SNCAIP: variants seen among roughly 807,000 people sequenced by gnomAD.
SNCAIP encodes the protein synuclein alpha interacting protein, also known as synphilin-1.
SNCAIP carries 43 observed loss-of-function variants against 86.7 expected under a neutral mutation model. That is an observed-to-expected ratio of 0.50 (90% CI 0.39 to 0.64). The LOEUF (loss-of-function observed/expected upper bound fraction) is 0.64. Ranked by LOEUF, SNCAIP falls within the 30% of genes least tolerant of loss-of-function variation. The pLI is 0.00. For missense variants in SNCAIP, 981 were observed against 1,103.1 expected (o/e 0.89, Z 1.57); for synonymous variants, 417 against 427.2 (o/e 0.98, Z 0.29).
At chr5:122,339,621 G>A (rs766172121) in intron 1 of SNCAIP, among the ~76,000 whole-genome samples, 1 of 152,134 alleles carries the variant, frequency 6.6e-6, no homozygotes, top group Non-Finnish European at 1.5e-5. Context: ...GGAGATTTCC[G>A]GTCTTGATTC....
chr5:122,337,719 T>C (rs1756776638), intron 1 of SNCAIP, among the ~76,000 whole-genome samples: 1 of 152,186 alleles, frequency 6.6e-6, no homozygotes, highest in Admixed American at 6.5e-5. Context: ...TTTGCATTTT[T>C]AGTAGAGGCA....
intron 1 of SNCAIP, among the ~76,000 whole-genome samples, chr5:122,334,647 A>T (rs1209995854): frequency 6.6e-6 from 1 of 152,236 alleles, no homozygotes; most frequent in African/African-American, 2.4e-5. Flanking sequence ...AAAGCATTTT[A>T]ACAGCAAAGC....
chr5:122,432,146 A>T (rs903472878), intron 6 of SNCAIP, 64 bp downstream of exon 6: 1 of 764,120 alleles, frequency 1.3e-6, no homozygotes, highest in Admixed American at 1.9e-5. Context: ...CTTTTTTATT[A>T]TTAGTCCATC....
intron 1 of SNCAIP, among the ~76,000 whole-genome samples, chr5:122,325,793 T>C (rs1580786258): frequency 6.6e-6 from 1 of 152,320 alleles, no homozygotes; most frequent in Admixed American, 6.5e-5. Flanking sequence ...TCTTCAATTT[T>C]TTTTGAGTGA....
intron 3 of SNCAIP, among the ~76,000 whole-genome samples, chr5:122,410,867 T>C (rs1773978327): frequency 6.6e-6 from 1 of 152,166 alleles, no homozygotes; most frequent in Non-Finnish European, 1.5e-5. Flanking sequence ...GGGCTGAAGG[T>C]AGCAGAGCTT....
At chr5:122,381,016 T>C (rs1766633883) in intron 1 of SNCAIP, among the ~76,000 whole-genome samples, 2 of 149,054 alleles carry the variant, frequency 1.3e-5, no homozygotes, top group Non-Finnish European at 1.5e-5. Flanking sequence ...ATGTATATTC[T>C]GTTGATTTGG....
rs185507836 is a variant in SNCAIP, at chr5:122,418,320, C to T, written c.131-4548C>T. ...AACCTAGTAATTTAAGTATCATTTC[C>T]ACAACATGTGTTATATCCCAAGTCT... is the stretch of plus-strand genomic sequence containing the variant. On this transcript the variant is annotated intron_variant, in intron 3 of 10. Transcript: ENST00000261368. 1.4e-3 allele frequency among the ~76,000 whole-genome samples: 218 copies of T among 152,266 alleles called. 2 individuals are homozygous for T. Among genetic ancestry groups the T allele is most frequent in the African/African-American group, 5.1e-3 (210 of 41,560 alleles).
rs966851388 is a variant in SNCAIP at position 122,432,197 on chromosome 5, G to A, written c.1296+115G>A. On this transcript the variant is annotated intron_variant, in intron 6 of 10. Transcript: ENST00000261368. ...GAAATCATCAAAAATGTATCCAAAG[G>A]TATATAACCAATGATATTTGTTGTT... The A allele has an allele frequency of 2.1e-5, 14 of 673,458 alleles. 1 individual carries two copies. The highest frequency in any genetic ancestry group is 1.3e-4 in the African/African-American group (7 of 55,278). 41.7% of individuals were successfully genotyped at this position (673,458 alleles called of 1,614,324 possible). A position where few individuals can be genotyped will look rare whatever the true frequency, so the allele number is the denominator to read the frequency against.
chr5:122,398,949 T>C (rs1244883990), intron 2 of SNCAIP, among the ~76,000 whole-genome samples: 1 of 152,150 alleles, frequency 6.6e-6, no homozygotes, highest in East Asian at 1.9e-4. Flanking sequence ...CTGGGATGTA[T>C]AGAATCATCT....
intron 8 of SNCAIP, chr5:122,444,951 C>T (rs931772331): frequency 8.7e-6 from 5 of 575,246 alleles, no homozygotes; most frequent in Admixed American, 2.7e-5. Flanking sequence ...GTAAAGTGTA[C>T]AGCAAGCTCC....
intron 5 of SNCAIP, among the ~76,000 whole-genome samples, chr5:122,425,901 A>T (rs1021013755): frequency 6.6e-6 from 1 of 152,218 alleles, no homozygotes; most frequent in African/African-American, 2.4e-5. Flanking sequence ...TGTTTTAAGG[A>T]TGCTAGCACT....
At chr5:122,417,680 C>T (rs891826254) in intron 3 of SNCAIP, among the ~76,000 whole-genome samples, 6 of 151,706 alleles carry the variant, frequency 4.0e-5, no homozygotes, top group African/African-American at 1.5e-4. Flanking sequence ...CCTTCCTTCC[C>T]TCCTTTCTTC....
intron 1 of SNCAIP, among the ~76,000 whole-genome samples, chr5:122,382,630 A>G (rs982459620): frequency 6.6e-6 from 1 of 151,856 alleles, no homozygotes; most frequent in African/African-American, 2.4e-5. Flanking sequence ...TGCGTTTTAG[A>G]GTTTCCAGTT....
intron 1 of SNCAIP, among the ~76,000 whole-genome samples, chr5:122,352,800 G>A (rs887304414): frequency 3.9e-5 from 6 of 152,102 alleles, no homozygotes; most frequent in South Asian, 2.1e-4. Flanking sequence ...GCTTGAGGGC[G>A]GGAATTCAAG....
chr5:122,402,134 G>A (rs1219021728), intron 2 of SNCAIP, among the ~76,000 whole-genome samples: 1 of 151,998 alleles, frequency 6.6e-6, no homozygotes, highest in Non-Finnish European at 1.5e-5. Context: ...TGTTTCATGG[G>A]ACACATGGCA....
chr5:122,448,651 T>TTCATATATATAATATATATTATATG (rs1782914074), intron 8 of SNCAIP, among the ~76,000 whole-genome samples: 1 of 132,620 alleles, frequency 7.5e-6, no homozygotes, highest in African/African-American at 2.8e-5. Flanking sequence ...TATATATATT[T>TTCATATATATAATATATATTATATG]TTATATATAT....
chr5:122,443,950 G>T, intron 7 of SNCAIP: 2 of 399,558 alleles, frequency 5.0e-6, no homozygotes, highest in Non-Finnish European at 9.9e-6. Context: ...CATTAAAGAG[G>T]TGATAAGAAG....
chr5:122,450,322 G>A (rs1360250603), intron 9 of SNCAIP, among the ~76,000 whole-genome samples: 2 of 152,212 alleles, frequency 1.3e-5, no homozygotes, highest in East Asian at 3.8e-4. Flanking sequence ...GACAAATTTA[G>A]TAGTCATGGT....
chr5:122,371,424 A>T (rs1764247138), intron 1 of SNCAIP: 1 of 152,072 alleles, frequency 6.6e-6, no homozygotes, highest in South Asian at 2.1e-4. Flanking sequence ...AGTCATCTTG[A>T]GCTGGTGTAC....
Sources: gnomAD v4.1 joint callset for allele counts (sites outside exome capture counted in the v4.1 genomes callset) on GRCh38, gnomAD v4.1.1 for gene constraint, MANE v1.5 for transcripts, NCBI Gene and HGNC (gene_info 2026-07-23, HGNC 2026-07-21) for gene names.